Variants in ECE1 observed in about 807,000 individuals in gnomAD.
The protein encoded by ECE1 is endothelin-converting enzyme 1.
ECE1 carries 35 observed loss-of-function variants against 98.6 expected under a neutral mutation model. The observed-to-expected ratio is 0.35, with a 90% CI of 0.27 to 0.47. ECE1 has a LOEUF of 0.47. Ranked by LOEUF, ECE1 falls within the 20% of genes least tolerant of loss-of-function variation. The pLI, the probability that ECE1 is intolerant of heterozygous loss-of-function variation, is 1.00. For synonymous variants in ECE1, 394 were observed against 407.1 expected, an observed-to-expected ratio of 0.97 and a Z score of 0.39; for missense variants, 814 against 1,025.3, an observed-to-expected ratio of 0.79 and a Z score of 2.81.
chr1:21,277,022 T>C lies in ECE1; in HGVS notation c.280+2169A>G, dbSNP rs372795123. 2.4e-4 allele frequency among the ~76,000 whole-genome samples: 37 copies of C among 152,300 alleles called. No homozygotes were observed. The East Asian group carries it at 6.8e-3, about 28-fold the overall frequency. On this transcript the variant is annotated intron_variant, in intron 3 of 18. Coordinates refer to ENST00000374893, the MANE Select transcript of ECE1 (RefSeq NM_001397.3). ...CGTAAGCTACTGCGCCCGGCCAGAT[T>C]TGCTTTGACTGGCCTGATGTTTGCT...
rs2103360880 is a variant in ECE1 at position 21,290,039 on chromosome 1, T to C, written c.138+31A>G. ...CGCGCATGCCCGGGCCCGGGGCGCCTGGACCTCGGGAGGGAGCGGAGGGCG... is the reference window on the plus strand; with the variant it reads ...CGCGCATGCCCGGGCCCGGGGCGCCCGGACCTCGGGAGGGAGCGGAGGGCG... On this transcript the variant is annotated intron_variant, in intron 2 of 18. Transcript: ENST00000374893. The surrounding 1 kb of genome is among the most constrained non-coding windows in gnomAD (Gnocchi z 7.3). 6 of 1,260,070 alleles carry C rather than the reference T, an allele frequency of 4.8e-6. No individual in the cohort carries two copies. Among genetic ancestry groups the C allele is most frequent in the Non-Finnish European group, 6.1e-6 (6 of 980,380 alleles). 78.1% of individuals were successfully genotyped at this position (1,260,070 alleles called of 1,614,324 possible).
chr1:21,303,673 G>A (rs1031598478), intron 1 of ECE1, among the ~76,000 whole-genome samples: 7 of 152,154 alleles, frequency 4.6e-5, no homozygotes, highest in Non-Finnish European at 8.8e-5. Flanking sequence ...TTTTGAGACA[G>A]GGTCTCAATC....
intron 1 of ECE1, among the ~76,000 whole-genome samples, chr1:21,320,270 A>AG (rs1638933352): frequency 6.6e-6 from 1 of 151,968 alleles, no homozygotes; most frequent in Non-Finnish European, 1.5e-5. Flanking sequence ...TATGGGCTCA[A>AG]ACAGGTCACC....
chr1:21,240,013 A>G (rs1484423979), intron 10 of ECE1, among the ~76,000 whole-genome samples: 3 of 151,944 alleles, frequency 2.0e-5, no homozygotes, highest in African/African-American at 7.3e-5. Flanking sequence ...TCTACCAAAA[A>G]TACAAAAATT....
At chr1:21,314,117 A>G (rs1385192543) in intron 1 of ECE1, among the ~76,000 whole-genome samples, 1 of 152,194 alleles carries the variant, frequency 6.6e-6, no homozygotes, top group African/African-American at 2.4e-5. Flanking sequence ...CATAACAGCA[A>G]CCCCACGTGA....
At chr1:21,303,992 C>CA (rs1215340545) in intron 1 of ECE1, among the ~76,000 whole-genome samples, 2 of 145,996 alleles carry the variant, frequency 1.4e-5, no homozygotes, top group African/African-American at 2.6e-5. Flanking sequence ...GATATTATTT[C>CA]AAAAAAATGA....
At chr1:21,273,342 T>C (rs1044640406) in intron 3 of ECE1, among the ~76,000 whole-genome samples, 1 of 91,034 alleles carries the variant, frequency 1.1e-5, no homozygotes, top group Non-Finnish European at 2.0e-5. Context: ...CCCGTGCGTG[T>C]GTGCGTGTGT....
intron 10 of ECE1, among the ~76,000 whole-genome samples, chr1:21,240,750 C>T (rs1282529527): frequency 1.3e-5 from 2 of 152,166 alleles, no homozygotes; most frequent in Non-Finnish European, 2.9e-5. Context: ...TGTGTCTGGC[C>T]GAGGCCGACC....
At position 21,290,094 on chromosome 1, in the gene ECE1, G is replaced by A. The variant is rs1161752509; in HGVS notation, c.114C>T (p.Gly38=). 3.2e-6 allele frequency: 5 copies of A among 1,545,788 alleles called. No homozygotes were observed. Among genetic ancestry groups the A allele is most frequent in the Admixed American group, 1.9e-5 (1 of 53,004 alleles). The change falls in exon 2 of 19, where the codon GGC becomes GGT. Residue 38 remains glycine, a synonymous_variant. Coordinates refer to ENST00000374893, the MANE Select transcript of ECE1 (RefSeq NM_001397.3). The surrounding 1 kb of genome is among the most constrained non-coding windows in gnomAD (Gnocchi z 7.3). Reference sequence around the variant, plus strand: ...CCTGCAGGCCGTTGGGGTATGCGTCGCCCTCGGAGAGCGAGTCCACCAGGT... The same window carrying A: ...CCTGCAGGCCGTTGGGGTATGCGTCACCCTCGGAGAGCGAGTCCACCAGGT... ...EEDLVDSLSE[G]DAYPNGLQVN...
At chr1:21,277,076 C>T (rs2098248152) in intron 3 of ECE1, among the ~76,000 whole-genome samples, 1 of 152,296 alleles carries the variant, frequency 6.6e-6, no homozygotes, top group Non-Finnish European at 1.5e-5. Flanking sequence ...GCACCTGCTC[C>T]TGGGTAATGA....
At chr1:21,267,937 CT>C (rs2098235964) in intron 4 of ECE1, among the ~76,000 whole-genome samples, 1 of 152,240 alleles carries the variant, frequency 6.6e-6, no homozygotes, top group Non-Finnish European at 1.5e-5. Context: ...TATTGTATGT[CT>C]ATCTCCCAGG....
intron 8 of ECE1, among the ~76,000 whole-genome samples, chr1:21,248,519 G>T (rs1012641338): frequency 1.3e-5 from 2 of 152,090 alleles, no homozygotes; most frequent in Non-Finnish European, 2.9e-5. Flanking sequence ...GCTCGCGCCT[G>T]GGGCTTCCTC....
rs1033544113 is a variant in ECE1, at chr1:21,260,470, G to C, written c.494-78C>G. 6.4e-6 allele frequency: 10 copies of C among 1,565,990 alleles called. No individual in the cohort carries two copies. Among genetic ancestry groups the C allele is most frequent in the Non-Finnish European group, 6.1e-6 (7 of 1,138,730 alleles). On this transcript the variant is annotated intron_variant, in intron 4 of 18. Transcript: ENST00000374893. The surrounding 1 kb of genome is among the most constrained non-coding windows in gnomAD (Gnocchi z 4.3). ...GGCTTTGGGGCAGTCCCTCTTTTCG[G>C]AGCCTTGGTGTTCTCAGCTGCAAAG...
At chr1:21,275,721 G>T (rs1373653613) in intron 3 of ECE1, among the ~76,000 whole-genome samples, 6 of 152,208 alleles carry the variant, frequency 3.9e-5, no homozygotes, top group Non-Finnish European at 7.3e-5. Context: ...CTATTTAATG[G>T]TTTGCAGAAA....
Position 21,233,483 on chromosome 1 carries a change from G to A in ECE1, c.1670+75C>T. 7.2e-7 allele frequency: 1 copy of A among 1,382,182 alleles called. No individual in the cohort carries two copies. Among genetic ancestry groups the A allele is most frequent in the Non-Finnish European group, 1.0e-6 (1 of 976,980 alleles). The allele number at this position is 1,382,182 out of a possible 1,614,324, so 85.6% of individuals were successfully genotyped here. A position where few individuals can be genotyped will look rare whatever the true frequency, so the allele number is the denominator to read the frequency against. On this transcript the variant is annotated intron_variant, in intron 14 of 18. Coordinates refer to ENST00000374893, the MANE Select transcript of ECE1 (RefSeq NM_001397.3). This position sits in a 1 kb window ranked among gnomAD's most constrained non-coding sequence, Gnocchi z 4.0. Reference sequence around the variant, plus strand: ...ATCGGGTGCACAGTGAGGGTGCAATGAAGGCCAGTTCGTCCCAAGGCTTGC... The same window carrying A: ...ATCGGGTGCACAGTGAGGGTGCAATAAAGGCCAGTTCGTCCCAAGGCTTGC...
chr1:21,254,950 C>T (rs2098217987), intron 8 of ECE1, among the ~76,000 whole-genome samples: 1 of 152,190 alleles, frequency 6.6e-6, no homozygotes, highest in African/African-American at 2.4e-5. Flanking sequence ...CCTTCCCTGA[C>T]TTCTCCCCAC....
chr1:21,308,766 G>A (rs1236879902), intron 1 of ECE1, among the ~76,000 whole-genome samples: 2 of 152,082 alleles, frequency 1.3e-5, no homozygotes, highest in African/African-American at 4.8e-5. Context: ...GCTGGGGCCT[G>A]AGCGAATGCT....
Position 21,307,379 on chromosome 1 carries a change from C to G in ECE1, c.4-17223G>C, listed in dbSNP as rs550759436. 5.3e-5 allele frequency among the ~76,000 whole-genome samples: 8 copies of G among 152,264 alleles called. No homozygotes were observed. The East Asian group carries it at 1.5e-3, about 29-fold the overall frequency. On this transcript the variant is annotated intron_variant, in intron 1 of 18. Coordinates refer to the ECE1 transcript ENST00000415912. This position sits in a 1 kb window ranked among gnomAD's most constrained non-coding sequence, Gnocchi z 4.2. ...GAGCGAGTCATGTCACCTCTCGGAG[C>G]CTCAATTTCCTCCCTCTGCATGGTG... is the stretch of plus-strand genomic sequence containing the variant.
intron 2 of ECE1, among the ~76,000 whole-genome samples, chr1:21,281,837 C>T (rs780456952): frequency 1.3e-5 from 2 of 152,212 alleles, no homozygotes; most frequent in African/African-American, 2.4e-5. Context: ...GCTGAGATTA[C>T]AGGCATGTGC....
Sources: gnomAD v4.1 joint callset for allele counts (sites outside exome capture counted in the v4.1 genomes callset) on GRCh38, gnomAD v4.1.1 for gene constraint, Gnocchi (gnomAD v3.1) non-coding constraint, MANE v1.5 for transcripts, NCBI Gene and HGNC (gene_info 2026-07-23, HGNC 2026-07-21) for gene names.